Variants in CLPX observed in about 807,000 individuals in gnomAD.
CLPX encodes caseinolytic mitochondrial matrix peptidase chaperone subunit X.
Under a neutral mutation model 76.4 loss-of-function variants are expected in CLPX, and 34 were observed. The ratio of observed to expected loss-of-function variants is 0.45; its 90% CI spans 0.34 to 0.59. The LOEUF (loss-of-function observed/expected upper bound fraction) is 0.59. CLPX is among the 20% of genes least tolerant of loss of function. CLPX has a pLI of 0.01. For missense variants in CLPX, 613 were observed against 757.0 expected, an observed-to-expected ratio of 0.81 and a Z score of 2.23; for synonymous variants, 248 against 270.9, an observed-to-expected ratio of 0.92 and a Z score of 0.83.
chr15:65,157,768 A>G lies in CLPX; in HGVS notation c.1035T>C (p.Tyr345=), dbSNP rs749923096. Residue 345 remains tyrosine, a synonymous_variant, in exon 8 of 14, where the codon TAT becomes TAC. Coordinates refer to ENST00000300107, the MANE Select transcript of CLPX (RefSeq NM_006660.5). ...VIAKLLQDAN[Y]NVEKAQQGIV... ...TACCTTGTTGTGCTTTTTCCACATTATAATTGGCATCTTGGAGTAGTTTTG... is the reference window on the plus strand; with the variant it reads ...TACCTTGTTGTGCTTTTTCCACATTGTAATTGGCATCTTGGAGTAGTTTTG... The G allele has an allele frequency of 7.4e-6, 12 of 1,613,372 alleles. No homozygotes were observed. The highest frequency in any genetic ancestry group is 6.7e-5 in the African/African-American group (5 of 74,906).
intron 12 of CLPX, among the ~76,000 whole-genome samples, chr15:65,152,770 T>C (rs1275999660): frequency 6.6e-6 from 1 of 151,580 alleles, no homozygotes; most frequent in East Asian, 1.9e-4. Context: ...CAATTTTTTG[T>C]ATTTTTAGTA....
intron 4 of CLPX, 26 bp from the exon 5 acceptor site, chr15:65,164,214 T>C (rs1457941849): frequency 6.4e-7 from 1 of 1,566,070 alleles, no homozygotes; most frequent in Non-Finnish European, 8.7e-7. Context: ...GTATGAATAA[T>C]TTAATATGAG....
rs554492348 is a variant in CLPX at position 65,159,571 on chromosome 15, C to T, written c.716-820G>A. Among the ~76,000 whole-genome samples, 8 of 152,072 alleles carry T rather than the reference C, an allele frequency of 5.3e-5. No homozygotes were observed. In the South Asian group the frequency reaches 1.7e-3, roughly 31 times the overall value. On this transcript the variant is annotated intron_variant, in intron 6 of 13. Transcript: ENST00000300107. Reference sequence around the variant, plus strand: ...GTTGCAGTGAGCCAAGATCACGCCACTGCACTCCAGCCTGGGCAACAGAGT... The same window carrying T: ...GTTGCAGTGAGCCAAGATCACGCCATTGCACTCCAGCCTGGGCAACAGAGT...
Position 65,158,625 on chromosome 15 carries a change from T to C in CLPX, c.842A>G (p.Asp281Gly). Residue 281 changes from aspartate to glycine, a missense_variant, in exon 7 of 14, where the codon GAC becomes GGC. Physicochemically the swap from Asp to Gly is moderately conservative, Grantham distance 94 (BLOSUM62 -1). Around this residue, in one of 2 missense-constraint regions of CLPX, gnomAD observed 450 missense variants for 638.6 expected, o/e 0.70. Transcript: ENST00000300107. ...AATATTACTTTTTTCAAGTTTTATG[T>C]CATCATGAGAAGAATCCAATACTTC... ...GGEVLDSSHDDIKLEKSNILL... is the reference protein window; with the variant it reads ...GGEVLDSSHDGIKLEKSNILL... 6.2e-7 allele frequency: 1 copy of C among 1,613,774 alleles called. No homozygotes were observed. Among genetic ancestry groups the C allele is most frequent in the Non-Finnish European group, 8.5e-7 (1 of 1,179,874 alleles).
chr15:65,181,802 T>C (rs1476615004), intron 1 of CLPX, among the ~76,000 whole-genome samples: 6 of 148,642 alleles, frequency 4.0e-5, no homozygotes, highest in African/African-American at 7.4e-5. Flanking sequence ...ATAAAGATAG[T>C]ATCAATCCCA....
In CLPX at chr15:65,166,626, T is replaced by C. The variant is rs753925757; in HGVS notation, c.513+5A>G. On this transcript the variant is annotated splice_donor_5th_base_variant and intron_variant, in intron 4 of 13. Coordinates refer to ENST00000300107, the MANE Select transcript of CLPX (RefSeq NM_006660.5). ...TACTTGTAAGACTGAGCTTAAGACT[T>C]ATACCTTCTTAGGGGGAGGTGGTGG... 6.2e-6 allele frequency: 10 copies of C among 1,613,774 alleles called. No individual in the cohort carries two copies. Among genetic ancestry groups the C allele is most frequent in the Non-Finnish European group, 4.2e-6 (5 of 1,179,842 alleles).
chr15:65,181,397 AC>A (rs1320693634), intron 1 of CLPX, among the ~76,000 whole-genome samples: 1 of 152,096 alleles, frequency 6.6e-6, no homozygotes, highest in Non-Finnish European at 1.5e-5. Flanking sequence ...ACTTAATACT[AC>A]CGAACTATAC....
chr15:65,176,647 G>A (rs1429048468), intron 3 of CLPX, among the ~76,000 whole-genome samples: 2 of 148,324 alleles, frequency 1.3e-5, no homozygotes, highest in Non-Finnish European at 3.0e-5. Context: ...CCAGGCTAGA[G>A]TGCAGTGGTG....
At chr15:65,166,902 T>G in intron 3 of CLPX, 117 bp from the exon 4 acceptor site, 1 of 929,616 alleles carries the variant, frequency 1.1e-6, no homozygotes, top group Non-Finnish European at 1.6e-6. Context: ...AGACTTGCTG[T>G]TCAATCTACT....
At position 65,150,672 on chromosome 15, in the gene CLPX, T is replaced by C. The variant is rs550293779; in HGVS notation, c.*151A>G. On this transcript the variant is annotated 3_prime_UTR_variant, in exon 14 of 14. Coordinates refer to ENST00000300107, the MANE Select transcript of CLPX (RefSeq NM_006660.5). ...TAAAATCAATGTGATGTTACAATTA[T>C]ATACATGATCTGATTCTTCTCCTAA... The C allele has an allele frequency of 8.7e-6, 4 of 461,072 alleles. No homozygotes were observed. Among genetic ancestry groups the C allele is most frequent in the Middle Eastern group, 5.7e-4 (1 of 1,766 alleles). The allele number at this position is 461,072 out of a possible 1,614,324, so 28.6% of individuals were successfully genotyped here. A position where few individuals can be genotyped will look rare whatever the true frequency, so the allele number is the denominator to read the frequency against.
intron 3 of CLPX, among the ~76,000 whole-genome samples, chr15:65,169,360 G>A (rs1027929849): frequency 3.1e-4 from 47 of 152,094 alleles, no homozygotes; most frequent in African/African-American, 9.4e-4. Context: ...CTTGGCCTCC[G>A]AAAGTGCTTG....
chr15:65,155,818 A>G lies in CLPX; in HGVS notation c.1185T>C (p.Val395=). Residue 395 remains valine (V), a synonymous_variant, in exon 10 of 14, where the codon GTT becomes GTC. Coordinates refer to ENST00000300107, the MANE Select transcript of CLPX (RefSeq NM_006660.5). ...GGAGCTTTCGGGAATTCTTTTCTGGAACATTGACTATTGTGCCTTCTAGTA... is the reference window on the plus strand; with the variant it reads ...GGAGCTTTCGGGAATTCTTTTCTGGGACATTGACTATTGTGCCTTCTAGTA... ...LKLLEGTIVN[V]PEKNSRKLRG... 1 of 1,613,966 alleles carries G rather than the reference A, an allele frequency of 6.2e-7. No individual in the cohort carries two copies. Among genetic ancestry groups the G allele is most frequent in the Non-Finnish European group, 8.5e-7 (1 of 1,179,864 alleles).
At chr15:65,167,472 T>C (rs904957581) in intron 3 of CLPX, among the ~76,000 whole-genome samples, 1 of 152,214 alleles carries the variant, frequency 6.6e-6, no homozygotes, top group South Asian at 2.1e-4. Flanking sequence ...AAGATTCATA[T>C]ATTTTTCCAA....
chr15:65,168,383 C>CAAAAA lies in CLPX; in HGVS notation c.359-1603_359-1599dup, dbSNP rs71136319. On this transcript the variant is annotated intron_variant, in intron 3 of 13. Transcript: ENST00000300107. ...TGGGCGACAAAGTGAGACTCTGTCT[C>CAAAAA]AAAAAAAAAAAAAAAAAAAAAAAAA... is the stretch of plus-strand genomic sequence containing the variant. Among the ~76,000 whole-genome samples the CAAAAA allele has an allele frequency of 3.1e-4, 11 of 35,660 alleles. 3 individuals carry two copies. Among genetic ancestry groups the CAAAAA allele is most frequent in the Admixed American group, 5.4e-4 (1 of 1,840 alleles). The allele number at this position is 35,660 out of a possible 152,430, so 23.4% of individuals were successfully genotyped here. A position where few individuals can be genotyped will look rare whatever the true frequency, so the allele number is the denominator to read the frequency against.
At chr15:65,151,159 A>G (rs1451650632) in intron 13 of CLPX, among the ~76,000 whole-genome samples, 1 of 151,962 alleles carries the variant, frequency 6.6e-6, no homozygotes, top group Non-Finnish European at 1.5e-5. Context: ...TGCCTGGCCA[A>G]CATGTTGAAA....
At position 65,176,682 on chromosome 15, in the gene CLPX, G is replaced by A. The variant is rs1370981029; in HGVS notation, c.358+2252C>T. Among the ~76,000 whole-genome samples, 11 of 143,190 alleles carry A rather than the reference G, an allele frequency of 7.7e-5. No individual in the cohort carries two copies. The Middle Eastern group carries it at 0.011, about 145-fold the overall frequency. The allele number at this position is 143,190 out of a possible 152,430, so 93.9% of individuals were successfully genotyped here. On this transcript the variant is annotated intron_variant, in intron 3 of 13. Transcript: ENST00000300107. ...GTGATCTCGGCTCACTGCAGCCTCC[G>A]CTTCCTAGGTTCAAGCAATTCTCCT...
intron 5 of CLPX, 59 bp from the exon 6 acceptor site, chr15:65,162,704 T>G (rs1187505993): frequency 5.5e-6 from 5 of 913,972 alleles, no homozygotes; most frequent in Admixed American, 2.0e-5. Flanking sequence ...AAACAATGAG[T>G]ATCCCACCTC....
chr15:65,173,040 G>A, intron 3 of CLPX, among the ~76,000 whole-genome samples: 1 of 152,044 alleles, frequency 6.6e-6, no homozygotes, highest in East Asian at 1.9e-4. Context: ...ACCAAAAGAA[G>A]CCCATGATGA....
intron 6 of CLPX, 95 bp from the exon 7 acceptor site, chr15:65,158,846 A>T (rs939058368): frequency 9.6e-7 from 1 of 1,036,508 alleles, no homozygotes; most frequent in Non-Finnish European, 1.4e-6. Context: ...AAATATCGAC[A>T]TAGAAAAATT....
Sources: gnomAD v4.1 joint callset for allele counts (sites outside exome capture counted in the v4.1 genomes callset) on GRCh38, gnomAD v4.1.1 for gene constraint, gnomAD v4.1.1 regional missense constraint, MANE v1.5 for transcripts, NCBI Gene and HGNC (gene_info 2026-07-23, HGNC 2026-07-21) for gene names.